Variants in DYNC2H1 observed in about 807,000 individuals in gnomAD.
The protein encoded by DYNC2H1 is dynein cytoplasmic 2 heavy chain 1.
In DYNC2H1, 410 loss-of-function variants were observed where a neutral mutation model predicts 570.0. The observed-to-expected ratio is 0.72, with a 90% CI of 0.66 to 0.78. DYNC2H1 has a LOEUF of 0.78. DYNC2H1 is among the 30% of genes least tolerant of loss of function. DYNC2H1 has a pLI of 0.00. For missense variants in DYNC2H1, 4,865 were observed against 5,046.4 expected (o/e 0.96, Z 1.09); for synonymous variants, 1,688 against 1,677.6 (o/e 1.01, Z -0.15).
At chr11:103,313,607 T>C (rs313412) in intron 79 of DYNC2H1, among the ~76,000 whole-genome samples, 101,482 of 152,008 alleles carry the variant, frequency 0.67, 33,819 homozygotes, top group Admixed American at 0.72. Flanking sequence ...AGTCCTGACT[T>C]GAGAGTTTCC....
chr11:103,118,653 A>G (rs1010197598), intron 6 of DYNC2H1, among the ~76,000 whole-genome samples: 1 of 152,166 alleles, frequency 6.6e-6, no homozygotes, highest in African/African-American at 2.4e-5. Flanking sequence ...GCCAGCATGT[A>G]TTTATCCTGA....
intron 82 of DYNC2H1, among the ~76,000 whole-genome samples, chr11:103,329,675 C>G (rs12577502): frequency 0.046 from 6,762 of 146,026 alleles, 311 homozygotes; most frequent in East Asian, 0.2. Context: ...AAGGGTAGAG[C>G]ATGTATTTTT....
chr11:103,200,999 G>A (rs1321273747), intron 50 of DYNC2H1, among the ~76,000 whole-genome samples: 1 of 151,922 alleles, frequency 6.6e-6, no homozygotes, highest in Non-Finnish European at 1.5e-5. Context: ...GCTAATTTTT[G>A]TAATTTTAGT....
chr11:103,434,164 C>G (rs1401477315), intron 84 of DYNC2H1, among the ~76,000 whole-genome samples: 1 of 152,028 alleles, frequency 6.6e-6, no homozygotes, highest in Non-Finnish European at 1.5e-5. Flanking sequence ...GCCCTGGAGC[C>G]AAGTTCTCTT....
chr11:103,213,499 A>G (rs961528860), intron 54 of DYNC2H1, among the ~76,000 whole-genome samples: 2 of 151,742 alleles, frequency 1.3e-5, no homozygotes, highest in Non-Finnish European at 1.5e-5. Context: ...GTTATATATA[A>G]TGATAATTTT....
rs1862798218 is a variant in DYNC2H1 at position 103,203,525 on chromosome 11, AT to A, written c.8198-135del. ...TATCAAATGAGGGCTATAGATAAAGATTTGTGAGTCAAGTAGAGGTAATAAA... is the reference window on the plus strand; with the variant it reads ...TATCAAATGAGGGCTATAGATAAAGATTGTGAGTCAAGTAGAGGTAATAAA... On this transcript the variant is annotated intron_variant, in intron 50 of 88. Transcript: ENST00000375735. This position sits in a 1 kb window ranked among gnomAD's most constrained non-coding sequence, Gnocchi z 4.7. The A allele has an allele frequency of 8.5e-6, 5 of 587,992 alleles. No individual in the cohort carries two copies. The Admixed American group carries it at 1.3e-4, about 15-fold the overall frequency. The allele number at this position is 587,992 out of a possible 1,614,324, so 36.4% of individuals were successfully genotyped here.
At chr11:103,288,707 A>G (rs1866457082) in intron 75 of DYNC2H1, among the ~76,000 whole-genome samples, 1 of 147,558 alleles carries the variant, frequency 6.8e-6, no homozygotes, top group African/African-American at 2.5e-5. Context: ...AAAAAAAAAA[A>G]AAAGAAAAGA....
chr11:103,252,292 G>C lies in DYNC2H1; in HGVS notation c.10043-993G>C, dbSNP rs1023331277. 1.3e-5 allele frequency among the ~76,000 whole-genome samples: 2 copies of C among 152,054 alleles called. No individual in the cohort carries two copies. The highest frequency in any genetic ancestry group is 2.9e-5 in the Non-Finnish European group (2 of 68,006). The stretch of plus-strand genomic sequence containing the variant: ...TTCAGGTTGTTTCCATGTCTTGGCT[G>C]TTGTGAATAATGCTGTGAAGAAATG... On this transcript the variant is annotated intron_variant, in intron 65 of 88. Coordinates refer to ENST00000375735, the MANE Select transcript of DYNC2H1 (RefSeq NM_001377.3). The surrounding 1 kb of genome is among the most constrained non-coding windows in gnomAD (Gnocchi z 4.6).
chr11:103,448,480 T>G (rs149962810), intron 85 of DYNC2H1, among the ~76,000 whole-genome samples: 131 of 152,246 alleles, frequency 8.6e-4, no homozygotes, highest in African/African-American at 3.1e-3. Flanking sequence ...TTAGAATAAG[T>G]AAAGGTTAAA....
chr11:103,314,074 T>A (rs1333556429), intron 79 of DYNC2H1, among the ~76,000 whole-genome samples: 1 of 152,158 alleles, frequency 6.6e-6, no homozygotes, highest in Non-Finnish European at 1.5e-5. Context: ...TTAGATTTTA[T>A]TATTAAGTTA....
chr11:103,255,275 G>A, intron 66 of DYNC2H1, 140 bp from the exon 67 acceptor site: 3 of 961,814 alleles, frequency 3.1e-6, no homozygotes, highest in Non-Finnish European at 4.4e-6. Context: ...GGTGTCTTAT[G>A]TTTAATTAGA....
intron 63 of DYNC2H1, among the ~76,000 whole-genome samples, chr11:103,238,062 C>T (rs1864289121): frequency 6.6e-6 from 1 of 152,092 alleles, no homozygotes; most frequent in Non-Finnish European, 1.5e-5. Flanking sequence ...ATGGTCGACA[C>T]TCCATCTCAG....
chr11:103,356,684 CAG>C (rs1290479967), intron 82 of DYNC2H1, among the ~76,000 whole-genome samples: 6 of 152,048 alleles, frequency 3.9e-5, no homozygotes, highest in Middle Eastern at 3.4e-3. Flanking sequence ...AATAATTTAT[CAG>C]AAAAACAAAA....
chr11:103,374,395 A>G (rs2566949), intron 83 of DYNC2H1, among the ~76,000 whole-genome samples: 68,319 of 151,984 alleles, frequency 0.45, 16,430 homozygotes, highest in Non-Finnish European at 0.54. Context: ...TCTCATAGCA[A>G]TGTGAGAACA....
rs578154765 is a variant in DYNC2H1, at chr11:103,205,251, A to T, written c.8454+287A>T. On this transcript the variant is annotated intron_variant, in intron 52 of 88. Coordinates refer to ENST00000375735, the MANE Select transcript of DYNC2H1 (RefSeq NM_001377.3). This position sits in a 1 kb window ranked among gnomAD's most constrained non-coding sequence, Gnocchi z 4.5. ...CTATTACAGGCTGTCCTAGATTTTT[A>T]AAAAATCATAGCAAGTATTTAACAA... 2.0e-5 allele frequency among the ~76,000 whole-genome samples: 3 copies of T among 152,286 alleles called. No homozygotes were observed. The highest frequency in any genetic ancestry group is 2.1e-4 in the South Asian group (1 of 4,822).
In DYNC2H1 at chr11:103,245,278, T is replaced by C; in HGVS notation, c.9946T>C (p.Leu3316=). 3.9e-6 allele frequency: 6 copies of C among 1,548,110 alleles called. No individual in the cohort carries two copies. Among genetic ancestry groups the C allele is most frequent in the Non-Finnish European group, 5.2e-6 (6 of 1,144,344 alleles). Residue 3316 remains leucine, a synonymous_variant, in exon 65 of 89, where the codon TTA becomes CTA. Coordinates refer to ENST00000375735, the MANE Select transcript of DYNC2H1 (RefSeq NM_001377.3). The surrounding 1 kb of genome is among the most constrained non-coding windows in gnomAD (Gnocchi z 4.5). ...QDSNFITALE[L]AVRFGKTLII... ...TAGTAACTTTATCACAGCTCTTGAA[T>C]TAGCAGTACGTTTTGGGAAAACCCT...
intron 82 of DYNC2H1, among the ~76,000 whole-genome samples, chr11:103,344,169 A>G (rs1939621338): frequency 6.6e-6 from 1 of 152,230 alleles, no homozygotes; most frequent in South Asian, 2.1e-4. Flanking sequence ...CAACATTTAC[A>G]TAAACACGAA....
Position 103,261,850 on chromosome 11 carries a change from T to C in DYNC2H1, c.10695+1873T>C, listed in dbSNP as rs1308525641. On this transcript the variant is annotated intron_variant, in intron 70 of 88. Transcript: ENST00000375735. This position sits in a 1 kb window ranked among gnomAD's most constrained non-coding sequence, Gnocchi z 4.8. ...GAACAAAACTGGACGGAGAATGAGT[T>C]TGATGAACTGACAGAAGTAGGCTTC... 1.3e-5 allele frequency among the ~76,000 whole-genome samples: 2 copies of C among 152,066 alleles called. No homozygotes were observed. The highest frequency in any genetic ancestry group is 2.9e-5 in the Non-Finnish European group (2 of 68,028).
chr11:103,261,042 T>A lies in DYNC2H1; in HGVS notation c.10695+1065T>A, dbSNP rs1209309197. 6.6e-6 allele frequency among the ~76,000 whole-genome samples: 1 copy of A among 152,174 alleles called. No homozygotes were observed. Among genetic ancestry groups the A allele is most frequent in the Non-Finnish European group, 1.5e-5 (1 of 68,040 alleles). On this transcript the variant is annotated intron_variant, in intron 70 of 88. Coordinates refer to ENST00000375735, the MANE Select transcript of DYNC2H1 (RefSeq NM_001377.3). The surrounding 1 kb of genome is among the most constrained non-coding windows in gnomAD (Gnocchi z 4.8). Reference sequence around the variant, plus strand: ...TTATTATGGTTCAATTATATAGGCTTCTTAGAAAGTGTTGAAAAATATACA... The same window carrying A: ...TTATTATGGTTCAATTATATAGGCTACTTAGAAAGTGTTGAAAAATATACA...
Sources: gnomAD v4.1 joint callset for allele counts (sites outside exome capture counted in the v4.1 genomes callset) on GRCh38, gnomAD v4.1.1 for gene constraint, Gnocchi (gnomAD v3.1) non-coding constraint, MANE v1.5 for transcripts, NCBI Gene and HGNC (gene_info 2026-07-23, HGNC 2026-07-21) for gene names.